Variants in AHSG observed in about 807,000 individuals in gnomAD.
AHSG encodes alpha 2-HS glycoprotein.
Under a neutral mutation model 30.1 loss-of-function variants are expected in AHSG, and 23 were observed. The ratio of observed to expected loss-of-function variants is 0.76; its 90% CI spans 0.55 to 1.08. AHSG has a LOEUF of 1.08. AHSG is among the 50% of genes least tolerant of loss of function. AHSG has a pLI of 0.00. For missense variants in AHSG, 469 were observed against 459.5 expected (o/e 1.02, Z -0.19); for synonymous variants, 164 against 186.3 (o/e 0.88, Z 0.98).
At chr3:186,616,807 C>A (rs1460284979) in intron 3 of AHSG, among the ~76,000 whole-genome samples, 4 of 152,106 alleles carry the variant, frequency 2.6e-5, no homozygotes, top group Non-Finnish European at 5.9e-5. Flanking sequence ...CCCATCTCTA[C>A]TAAAAATACA....
intron 4 of AHSG, chr3:186,617,760 A>G (rs2108502010): frequency 3.5e-6 from 1 of 286,470 alleles, no homozygotes; most frequent in Non-Finnish European, 6.8e-6. Context: ...ATTAATACTC[A>G]CTTGTGCTGA....
At position 186,616,516 on chromosome 3, in the gene AHSG, A is replaced by T; in HGVS notation, c.398A>T (p.Asp133Val). ...GKFSVVYAKC[D>V]SSPDSAEDVR... ...TTTTCCGTGGTATACGCAAAATGTG[A>T]TTCCAGTCCAGGTACAGATGACTAT... is the stretch of plus-strand genomic sequence containing the variant. The change falls in exon 3 of 7, where the codon GAT (aspartate) becomes GTT (valine). Residue 133 changes from aspartate (D) to valine (V), a missense_variant. By Grantham distance (152) the Asp-to-Val change is radical. Coordinates refer to ENST00000411641, the MANE Select transcript of AHSG (RefSeq NM_001622.4). 1 of 1,610,930 alleles carries T rather than the reference A, an allele frequency of 6.2e-7. No homozygotes were observed. The highest frequency in any genetic ancestry group is 8.5e-7 in the Non-Finnish European group (1 of 1,178,364).
Position 186,613,304 on chromosome 3 carries a change from G to A in AHSG, c.163G>A (p.Gly55Arg). The change falls in exon 1 of 7, where the codon GGA becomes AGA. Residue 55 changes from glycine (G) to arginine (R), a missense_variant. By Grantham distance (125) the Gly-to-Arg change is moderately radical. Transcript: ENST00000411641. ...IDYINQNLPW[G>R]YKHTLNQIDE... ...CTACATCAATCAAAACCTTCCTTGG[G>A]GATACAAACACACCTTGAACCAGAT... 1 of 1,614,116 alleles carries A rather than the reference G, an allele frequency of 6.2e-7. No homozygotes were observed. The highest frequency in any genetic ancestry group is 1.1e-5 in the South Asian group (1 of 91,076).
At position 186,619,879 on chromosome 3, in the gene AHSG, C is replaced by T. The variant is rs747284297; in HGVS notation, c.698C>T (p.Thr233Ile). The T allele has an allele frequency of 6.2e-7, 1 of 1,613,266 alleles. No individual in the cohort carries two copies. Among genetic ancestry groups the T allele is most frequent in the South Asian group, 1.1e-5 (1 of 90,982 alleles). ...AEKQYGFCKA[T>I]LSEKLGGAEV... is the part of the protein sequence containing the mutation. ...CAGCAATATGGCTTTTGTAAGGCAA[C>T]ACTCAGTGAGAAGCTTGGTGGGGCA... is the stretch of plus-strand genomic sequence containing the variant. The change falls in exon 6 of 7, where the codon ACA becomes ATA. Residue 233 changes from threonine (T) to isoleucine (I), a missense_variant. Physicochemically the swap from Thr to Ile is moderately conservative, Grantham distance 89. Transcript: ENST00000411641.
chr3:186,613,470 A>G, intron 1 of AHSG, 116 bp downstream of exon 1: 1 of 1,000,552 alleles, frequency 1.0e-6, no homozygotes, highest in Non-Finnish European at 1.5e-6. Flanking sequence ...AAATTCTCTG[A>G]TTTCTTCCCA....
In AHSG at chr3:186,615,799, A is replaced by G; in HGVS notation, c.324+4A>G. On this transcript the variant is annotated splice_donor_region_variant and intron_variant, in intron 2 of 6. Transcript: ENST00000411641. The stretch of plus-strand genomic sequence containing the variant: ...CGTGAGGCAGCTGAAGGAGCATGTG[A>G]GTACCCTTCTTAGGATGACTGTAGG... 1 of 1,613,418 alleles carries G rather than the reference A, an allele frequency of 6.2e-7. No homozygotes were observed. The highest frequency in any genetic ancestry group is 8.5e-7 in the Non-Finnish European group (1 of 1,179,306).
Position 186,620,932 on chromosome 3 carries a change from C to G in AHSG, c.*2C>G. 1 of 1,604,890 alleles carries G rather than the reference C, an allele frequency of 6.2e-7. No individual in the cohort carries two copies. Among genetic ancestry groups the G allele is most frequent in the Non-Finnish European group, 8.5e-7 (1 of 1,172,490 alleles). On this transcript the variant is annotated 3_prime_UTR_variant, in exon 7 of 7. Coordinates refer to ENST00000411641, the MANE Select transcript of AHSG (RefSeq NM_001622.4). ...AGGATCAGACACTTCAAGGTCTAGG[C>G]TAGACATGGCAGAGATGAGGAGGTT... is the stretch of plus-strand genomic sequence containing the variant.
At chr3:186,617,144 G>A (rs1716327554) in intron 3 of AHSG, 43 bp from the exon 4 acceptor site, 2 of 1,579,388 alleles carry the variant, frequency 1.3e-6, no homozygotes, top group Non-Finnish European at 1.7e-6. Flanking sequence ...GGCCATGCCA[G>A]GGAGAATGGC....
chr3:186,617,638 C>T, intron 4 of AHSG: 1 of 504,148 alleles, frequency 2.0e-6, no homozygotes, highest in Non-Finnish European at 3.5e-6. Context: ...CAGCTAAAAC[C>T]AAAGCTCAGT....
intron 2 of AHSG, among the ~76,000 whole-genome samples, chr3:186,616,239 C>A (rs1716300281): frequency 6.6e-6 from 1 of 152,158 alleles, no homozygotes; most frequent in Non-Finnish European, 1.5e-5. Context: ...ATAAAATTGC[C>A]ATTTGATGCC....
chr3:186,614,548 T>TTA (rs919864799), intron 1 of AHSG, among the ~76,000 whole-genome samples: 19 of 152,216 alleles, frequency 1.2e-4, no homozygotes, highest in Admixed American at 9.2e-4. Flanking sequence ...TGCAGCCATA[T>TTA]TAAAGCACAG....
chr3:186,619,954 G>A lies in AHSG; in HGVS notation c.759+14G>A. 1 of 1,597,298 alleles carries A rather than the reference G, an allele frequency of 6.3e-7. No homozygotes were observed. The highest frequency in any genetic ancestry group is 1.1e-5 in the South Asian group (1 of 89,204). ...TTCCAAACACAGGTAACAGCTCCGT[G>A]AATATTCTTGCCTACACCTTCAGAA... On this transcript the variant is annotated intron_variant, in intron 6 of 6. Transcript: ENST00000411641.
intron 1 of AHSG, among the ~76,000 whole-genome samples, chr3:186,615,262 G>A (rs1716262189): frequency 6.6e-6 from 1 of 152,170 alleles, no homozygotes; most frequent in Non-Finnish European, 1.5e-5. Flanking sequence ...ACCTTATTTT[G>A]CAGCTTGTCT....
At position 186,617,214 on chromosome 3, in the gene AHSG, G is replaced by A. The variant is rs1205597795; in HGVS notation, c.437G>A (p.Cys146Tyr). 6.2e-7 allele frequency: 1 copy of A among 1,613,552 alleles called. No homozygotes were observed. Among genetic ancestry groups the A allele is most frequent in the Non-Finnish European group, 8.5e-7 (1 of 1,179,936 alleles). The stretch of plus-strand genomic sequence containing the variant: ...TCAGCCGAGGACGTGCGCAAGGTGT[G>A]CCAAGACTGCCCCCTGCTGGCCCCG... ...PDSAEDVRKVCQDCPLLAPLN... is the reference protein window; with the variant it reads ...PDSAEDVRKVYQDCPLLAPLN... Residue 146 changes from cysteine (C) to tyrosine (Y), a missense_variant, in exon 4 of 7, where the codon TGC becomes TAC. Physicochemically the swap from Cys to Tyr is radical, Grantham distance 194. Coordinates refer to ENST00000411641, the MANE Select transcript of AHSG (RefSeq NM_001622.4).
At chr3:186,614,689 G>A (rs1257719352) in intron 1 of AHSG, among the ~76,000 whole-genome samples, 1 of 152,210 alleles carries the variant, frequency 6.6e-6, no homozygotes, top group African/African-American at 2.4e-5. Context: ...TGGTTCCCTT[G>A]AGAAACCCAG....
At chr3:186,617,077 A>G (rs947380416) in intron 3 of AHSG, 110 bp from the exon 4 acceptor site, 2 of 1,512,502 alleles carry the variant, frequency 1.3e-6, no homozygotes, top group Non-Finnish European at 1.8e-6. Context: ...AGAAGCAGAG[A>G]AAGTGCCTGA....
At chr3:186,617,512 A>G in intron 4 of AHSG, 162 bp downstream of exon 4, 2 of 1,351,546 alleles carry the variant, frequency 1.5e-6, no homozygotes, top group Non-Finnish European at 2.1e-6. Context: ...CTAAGGGGGT[A>G]TGAGGCTCCT....
Position 186,617,205 on chromosome 3 carries a change from G to A in AHSG, c.428G>A (p.Arg143His). The change falls in exon 4 of 7, where the codon CGC becomes CAC. Residue 143 changes from arginine (R) to histidine (H), a missense_variant. Coordinates refer to ENST00000411641, the MANE Select transcript of AHSG (RefSeq NM_001622.4). Reference sequence around the variant, plus strand: ...CGAGCAGACTCAGCCGAGGACGTGCGCAAGGTGTGCCAAGACTGCCCCCTG... The same window carrying A: ...CGAGCAGACTCAGCCGAGGACGTGCACAAGGTGTGCCAAGACTGCCCCCTG... ...DSSPDSAEDV[R>H]KVCQDCPLLA... 6.2e-7 allele frequency: 1 copy of A among 1,612,634 alleles called. No individual in the cohort carries two copies. Among genetic ancestry groups the A allele is most frequent in the Middle Eastern group, 1.8e-4 (1 of 5,516 alleles).
chr3:186,617,553 G>T lies in AHSG; in HGVS notation c.573+203G>T, dbSNP rs759641538. 3 of 957,320 alleles carry T rather than the reference G, an allele frequency of 3.1e-6. No individual in the cohort carries two copies. In the South Asian group the frequency reaches 4.6e-5, roughly 15 times the overall value. 59.3% of individuals were successfully genotyped at this position (957,320 alleles called of 1,614,324 possible). ...TCATGAGGACCCCAACACCCTCAGC[G>T]CCTCCCCCATGCTGAGCCACTGTAA... On this transcript the variant is annotated intron_variant, in intron 4 of 6. Transcript: ENST00000411641.
Sources: gnomAD v4.1 joint callset for allele counts (sites outside exome capture counted in the v4.1 genomes callset) on GRCh38, gnomAD v4.1.1 for gene constraint, MANE v1.5 for transcripts, NCBI Gene and HGNC (gene_info 2026-07-23, HGNC 2026-07-21) for gene names.